TRIP4: variants seen among roughly 807,000 people sequenced by gnomAD.
The protein encoded by TRIP4 is activating signal cointegrator 1.
Under a neutral mutation model 81.8 loss-of-function variants are expected in TRIP4, and 54 were observed. That is an observed-to-expected ratio of 0.66 (90% confidence interval 0.53 to 0.83). TRIP4 has a LOEUF of 0.83. Among genes scored for constraint, TRIP4 ranks in the 40% least tolerant of loss-of-function variants. The pLI is 0.00. For missense variants in TRIP4, 662 were observed against 683.6 expected, an observed-to-expected ratio of 0.97 and a Z score of 0.35; for synonymous variants, 270 against 242.8, an observed-to-expected ratio of 1.11 and a Z score of -1.04.
chr15:64,400,653 A>G, intron 4 of TRIP4, 90 bp from the exon 5 acceptor site: 1 of 937,268 alleles, frequency 1.1e-6, no homozygotes. Flanking sequence ...ATCATCATCT[A>G]ATGTGTAATT....
chr15:64,412,154 A>C (rs1476223086), intron 7 of TRIP4, among the ~76,000 whole-genome samples: 1 of 152,002 alleles, frequency 6.6e-6, no homozygotes, highest in Non-Finnish European at 1.5e-5. Flanking sequence ...AGTAAGTTTG[A>C]GTGTTCTGAA....
At chr15:64,407,584 A>G (rs1029721833) in intron 6 of TRIP4, among the ~76,000 whole-genome samples, 9 of 152,034 alleles carry the variant, frequency 5.9e-5, no homozygotes, top group Admixed American at 5.9e-4. Flanking sequence ...GGAGAATGGC[A>G]TGAACCCAGG....
intron 11 of TRIP4, among the ~76,000 whole-genome samples, chr15:64,428,156 CT>C (rs1892190657): frequency 1.3e-5 from 2 of 152,182 alleles, no homozygotes; most frequent in African/African-American, 4.8e-5. Flanking sequence ...GGCAAGCGGC[CT>C]TGCTTTATTT....
intron 9 of TRIP4, among the ~76,000 whole-genome samples, chr15:64,423,338 G>A (rs1007247424): frequency 6.6e-6 from 1 of 151,660 alleles, no homozygotes; most frequent in Non-Finnish European, 1.5e-5. Context: ...TGGCACGTGC[G>A]TGTAGTCCCA....
chr15:64,435,525 C>CAA (rs35102130), intron 11 of TRIP4, among the ~76,000 whole-genome samples: 15 of 108,312 alleles, frequency 1.4e-4, no homozygotes, highest in Non-Finnish European at 2.3e-4. Context: ...GACTCTGTCT[C>CAA]AAAAAAAAAA....
intron 8 of TRIP4, among the ~76,000 whole-genome samples, chr15:64,415,094 CAAA>C (rs963919878): frequency 8.9e-6 from 1 of 112,670 alleles, no homozygotes; most frequent in Non-Finnish European, 1.9e-5. Flanking sequence ...GACCCTGTCT[CAAA>C]AAAAAAAAAG....
intron 2 of TRIP4, 132 bp downstream of exon 2, chr15:64,394,247 T>C: frequency 1.4e-6 from 1 of 729,402 alleles, no homozygotes; most frequent in Non-Finnish European, 2.1e-6. Context: ...TATGTATACA[T>C]ATTTTTAGTT....
At chr15:64,441,540 G>A (rs1892518365) in intron 11 of TRIP4, among the ~76,000 whole-genome samples, 1 of 151,386 alleles carries the variant, frequency 6.6e-6, no homozygotes, top group African/African-American at 2.4e-5. Flanking sequence ...TTGGAAGGCC[G>A]AGGCAGGTGG....
chr15:64,430,364 C>G (rs1434022174), intron 11 of TRIP4, among the ~76,000 whole-genome samples: 1 of 152,250 alleles, frequency 6.6e-6, no homozygotes, highest in East Asian at 1.9e-4. Context: ...TGTGATTCCC[C>G]TGGAAGGAGC....
chr15:64,447,956 C>T (rs1828354137), intron 12 of TRIP4, among the ~76,000 whole-genome samples: 1 of 152,180 alleles, frequency 6.6e-6, no homozygotes, highest in South Asian at 2.1e-4. Flanking sequence ...GCCTTGGCCT[C>T]CTAAAGCGTT....
At chr15:64,454,695 G>A (rs778647906) in intron 12 of TRIP4, among the ~76,000 whole-genome samples, 4 of 152,100 alleles carry the variant, frequency 2.6e-5, no homozygotes, top group Admixed American at 6.5e-5. Context: ...AAAATTTGCC[G>A]TAGCATCAAA....
intron 11 of TRIP4, among the ~76,000 whole-genome samples, chr15:64,429,771 A>G (rs1405058240): frequency 1.3e-5 from 2 of 152,230 alleles, no homozygotes; most frequent in Non-Finnish European, 2.9e-5. Context: ...TAGTTTCCTA[A>G]CTGTGACCTG....
At chr15:64,425,853 G>T (rs1892131033) in intron 11 of TRIP4, among the ~76,000 whole-genome samples, 1 of 152,156 alleles carries the variant, frequency 6.6e-6, no homozygotes, top group Admixed American at 6.5e-5. Context: ...GGAGGCCGAG[G>T]CAGGTGGATC....
Position 64,424,021 on chromosome 15 carries a change from T to G in TRIP4, c.1359-10T>G. The G allele has an allele frequency of 6.2e-7, 1 of 1,612,890 alleles. No homozygotes were observed. Among genetic ancestry groups the G allele is most frequent in the African/African-American group, 1.3e-5 (1 of 74,954 alleles). ...TTATATCCTTCCCACTAAATTTCTA[T>G]TTGTTTAAGGGTGGAGGGCAGATCC... On this transcript the variant is annotated splice_polypyrimidine_tract_variant and intron_variant, in intron 9 of 12. Transcript: ENST00000261884.
intron 12 of TRIP4, among the ~76,000 whole-genome samples, chr15:64,454,296 A>G (rs1183672995): frequency 6.6e-6 from 1 of 152,106 alleles, no homozygotes; most frequent in Non-Finnish European, 1.5e-5. Flanking sequence ...AATGAGATGG[A>G]TGGTTCCTAA....
Position 64,444,942 on chromosome 15 carries a change from C to A in TRIP4, c.1576-64C>A, listed in dbSNP as rs928473161. On this transcript the variant is annotated intron_variant, in intron 11 of 12. Coordinates refer to ENST00000261884, the MANE Select transcript of TRIP4 (RefSeq NM_016213.5). The stretch of plus-strand genomic sequence containing the variant: ...GTTGAGGTGAAATCTGGGACATCTT[C>A]TGTTCTCCTTAAATTCAAAGCTTGT... 4.7e-6 allele frequency: 4 copies of A among 848,362 alleles called. No homozygotes were observed. In the Admixed American group the frequency reaches 9.1e-5, roughly 19 times the overall value. 52.6% of individuals were successfully genotyped at this position (848,362 alleles called of 1,614,324 possible).
intron 9 of TRIP4, among the ~76,000 whole-genome samples, chr15:64,419,648 G>A (rs565789906): frequency 6.3e-4 from 96 of 152,042 alleles, no homozygotes; most frequent in Non-Finnish European, 1.4e-3. Flanking sequence ...GTGAACCACC[G>A]CGCCTGGTGT....
intron 11 of TRIP4, among the ~76,000 whole-genome samples, chr15:64,444,166 A>G (rs1191495603): frequency 3.3e-5 from 5 of 152,200 alleles, no homozygotes; most frequent in Non-Finnish European, 7.3e-5. Flanking sequence ...TACTAGGAGA[A>G]AGTCTTCTCT....
chr15:64,439,168 G>A (rs897554408), intron 11 of TRIP4, among the ~76,000 whole-genome samples: 8 of 152,166 alleles, frequency 5.3e-5, no homozygotes, highest in African/African-American at 1.9e-4. Flanking sequence ...CAGTAGAGTG[G>A]GGCCTGGGGT....
Sources: allele counts gnomAD v4.1 joint callset (sites outside exome capture counted in the v4.1 genomes callset), GRCh38; gene constraint gnomAD v4.1.1; transcripts MANE v1.5; gene names NCBI Gene and HGNC (gene_info 2026-07-23, HGNC 2026-07-21).